Variants in MAP4K3 observed in about 807,000 individuals in gnomAD.
MAP4K3 encodes mitogen-activated protein kinase kinase kinase kinase 3, also known as MAPK/ERK kinase kinase kinase 3.
A neutral mutation model predicts 143.5 loss-of-function variants in MAP4K3; 94 were observed. The observed-to-expected ratio is 0.65, with a 90% confidence interval of 0.55 to 0.78. The LOEUF (loss-of-function observed/expected upper bound fraction) is 0.78. Ranked by LOEUF, MAP4K3 falls within the 30% of genes least tolerant of loss-of-function variation. The pLI, the probability that MAP4K3 is intolerant of heterozygous loss-of-function variation, is 0.00. For synonymous variants in MAP4K3, 416 were observed against 347.2 expected (o/e 1.20, Z -2.20); for missense variants, 1,077 against 1,068.1 (o/e 1.01, Z -0.12).
intron 3 of MAP4K3, among the ~76,000 whole-genome samples, chr2:39,353,713 A>T (rs1241585732): frequency 6.6e-6 from 1 of 152,220 alleles, no homozygotes; most frequent in Non-Finnish European, 1.5e-5. Context: ...TGATACTTTT[A>T]AAAAGTTAAG....
At chr2:39,389,293 T>C (rs1037669913) in intron 1 of MAP4K3, among the ~76,000 whole-genome samples, 2 of 151,836 alleles carry the variant, frequency 1.3e-5, no homozygotes, top group African/African-American at 4.8e-5. Context: ...GAGCAAGAGA[T>C]AGAAAATGAG....
chr2:39,250,730 C>T (rs1215813950), intron 33 of MAP4K3, 25 bp from the exon 34 acceptor site: 3 of 1,589,148 alleles, frequency 1.9e-6, no homozygotes, highest in Non-Finnish European at 2.6e-6. Flanking sequence ...AAACATATAA[C>T]AAAACAAAGT....
At chr2:39,346,178 C>T (rs1325118085) in intron 3 of MAP4K3, among the ~76,000 whole-genome samples, 1 of 152,148 alleles carries the variant, frequency 6.6e-6, no homozygotes, top group Non-Finnish European at 1.5e-5. Flanking sequence ...TCTTTCTAAT[C>T]CCCCAGAGAA....
intron 1 of MAP4K3, among the ~76,000 whole-genome samples, chr2:39,403,256 C>A (rs1333832492): frequency 6.6e-6 from 1 of 152,126 alleles, no homozygotes; most frequent in Non-Finnish European, 1.5e-5. Flanking sequence ...TATCTACACA[C>A]AAAAAAGCAC....
chr2:39,407,026 C>T (rs1162424963), intron 1 of MAP4K3, among the ~76,000 whole-genome samples: 2 of 152,088 alleles, frequency 1.3e-5, no homozygotes, highest in South Asian at 2.1e-4. Flanking sequence ...AGGGATAATA[C>T]ATCATGATCA....
At chr2:39,428,879 C>G (rs1379764435) in intron 1 of MAP4K3, among the ~76,000 whole-genome samples, 4 of 151,264 alleles carry the variant, frequency 2.6e-5, no homozygotes, top group Non-Finnish European at 5.9e-5. Context: ...ACCAGCCTGG[C>G]CAACATGGTG....
chr2:39,325,061 C>T (rs959251205), intron 12 of MAP4K3, among the ~76,000 whole-genome samples: 2 of 152,248 alleles, frequency 1.3e-5, no homozygotes, highest in East Asian at 3.9e-4. Flanking sequence ...AAGTAATCCT[C>T]TTGCTTCAGC....
intron 1 of MAP4K3, among the ~76,000 whole-genome samples, chr2:39,404,370 G>A (rs1185387290): frequency 3.3e-5 from 5 of 152,114 alleles, no homozygotes; most frequent in Non-Finnish European, 7.3e-5. Flanking sequence ...GTGAGTCCTA[G>A]GTCTGGCAGC....
chr2:39,286,766 T>A (rs557159803), intron 21 of MAP4K3, 86 bp downstream of exon 21: 1 of 601,636 alleles, frequency 1.7e-6, no homozygotes, highest in Non-Finnish European at 2.8e-6. Context: ...ACTAGTGCTA[T>A]AGTGTCACTA....
chr2:39,378,601 G>A (rs1039133167), intron 1 of MAP4K3, among the ~76,000 whole-genome samples: 9 of 152,112 alleles, frequency 5.9e-5, no homozygotes, highest in African/African-American at 1.9e-4. Flanking sequence ...TCAAAGGCTA[G>A]TTGAACTAAT....
At chr2:39,250,802 T>C in intron 33 of MAP4K3, 97 bp from the exon 34 acceptor site, 2 of 862,554 alleles carry the variant, frequency 2.3e-6, no homozygotes, top group Admixed American at 4.2e-5. Context: ...TGTGCCTCTA[T>C]AAATGCTGCT....
At chr2:39,330,650 C>CAAAAAT (rs1334701320) in intron 8 of MAP4K3, among the ~76,000 whole-genome samples, 1 of 151,864 alleles carries the variant, frequency 6.6e-6, no homozygotes, top group African/African-American at 2.4e-5. Flanking sequence ...AAAACAAAAA[C>CAAAAAT]AAAAATAAAG....
At chr2:39,335,932 CA>C (rs1264003483) in intron 6 of MAP4K3, among the ~76,000 whole-genome samples, 2 of 151,300 alleles carry the variant, frequency 1.3e-5, no homozygotes. Flanking sequence ...CCTCTATCCT[CA>C]AAAAAGGTTA....
At position 39,345,273 on chromosome 2, in the gene MAP4K3, G is replaced by A. The variant is rs561762553; in HGVS notation, c.246-1821C>T. Among the ~76,000 whole-genome samples, 28 of 151,262 alleles carry A rather than the reference G, an allele frequency of 1.9e-4. No homozygotes were observed. The South Asian group carries it at 4.4e-3, about 24-fold the overall frequency. ...CATACCTGTAGTCTCACCTACTCAGGAGGCTGAGGCAGGGTGCAGGGGGTC... is the reference window on the plus strand; with the variant it reads ...CATACCTGTAGTCTCACCTACTCAGAAGGCTGAGGCAGGGTGCAGGGGGTC... On this transcript the variant is annotated intron_variant, in intron 3 of 33. Coordinates refer to ENST00000263881, the MANE Select transcript of MAP4K3 (RefSeq NM_003618.4).
At chr2:39,365,390 T>TG (rs1286279252) in intron 2 of MAP4K3, among the ~76,000 whole-genome samples, 7 of 150,664 alleles carry the variant, frequency 4.6e-5, no homozygotes, top group Admixed American at 2.0e-4. Context: ...ATCAGTCGGT[T>TG]GGGGGGCTTA....
chr2:39,264,763 G>A (rs185111197), intron 28 of MAP4K3, among the ~76,000 whole-genome samples: 1 of 152,216 alleles, frequency 6.6e-6, no homozygotes, highest in African/African-American at 2.4e-5. Flanking sequence ...AAAAATCTGT[G>A]GAAAGGCCTA....
intron 13 of MAP4K3, among the ~76,000 whole-genome samples, chr2:39,311,039 C>T (rs1048753198): frequency 1.3e-5 from 2 of 152,166 alleles, no homozygotes; most frequent in Non-Finnish European, 2.9e-5. Context: ...TTCTAACTTG[C>T]TACTTTGTTG....
intron 8 of MAP4K3, among the ~76,000 whole-genome samples, chr2:39,331,350 T>TTTCC: frequency 6.6e-6 from 1 of 152,078 alleles, no homozygotes; most frequent in African/African-American, 2.4e-5. Flanking sequence ...GTAGGATAGT[T>TTTCC]TTTATACTAT....
chr2:39,324,614 G>A (rs1382755302), intron 12 of MAP4K3, among the ~76,000 whole-genome samples: 5 of 152,098 alleles, frequency 3.3e-5, no homozygotes, highest in African/African-American at 4.8e-5. Flanking sequence ...ATCTGTGGCC[G>A]TCTTTCTAAA....
Sources: allele counts gnomAD v4.1 joint callset (sites outside exome capture counted in the v4.1 genomes callset), GRCh38; gene constraint gnomAD v4.1.1; transcripts MANE v1.5; gene names NCBI Gene and HGNC (gene_info 2026-07-23, HGNC 2026-07-21).